Variants in SLC24A4 observed in about 807,000 individuals in gnomAD.
SLC24A4 encodes sodium/potassium/calcium exchanger 4.
SLC24A4 carries 53 observed loss-of-function variants against 79.0 expected under a neutral mutation model. The ratio of observed to expected loss-of-function variants is 0.67; its 90% CI spans 0.54 to 0.84. SLC24A4 has a LOEUF of 0.84. SLC24A4 is among the 40% of genes least tolerant of loss of function. The pLI is 0.00. For missense variants in SLC24A4, 731 were observed against 822.0 expected, an observed-to-expected ratio of 0.89 and a Z score of 1.35; for synonymous variants, 323 against 323.8, an observed-to-expected ratio of 1.00 and a Z score of 0.03.
chr14:92,487,920 C>T (rs1264716236), intron 14 of SLC24A4, among the ~76,000 whole-genome samples: 2 of 152,050 alleles, frequency 1.3e-5, no homozygotes, highest in Non-Finnish European at 2.9e-5. Flanking sequence ...CAATCTCTGC[C>T]TCTGCCTTCA....
At chr14:92,397,864 G>A (rs1408591331) in intron 2 of SLC24A4, among the ~76,000 whole-genome samples, 2 of 152,172 alleles carry the variant, frequency 1.3e-5, no homozygotes, top group East Asian at 3.8e-4. Context: ...AAAAATAGAA[G>A]CAAATGACAT....
intron 13 of SLC24A4, chr14:92,484,412 C>G: frequency 5.1e-6 from 5 of 985,328 alleles, no homozygotes; most frequent in Non-Finnish European, 6.0e-6. Flanking sequence ...CCAGCCTGTT[C>G]CCTTTCTCCC....
rs374297651 is a variant in SLC24A4 at position 92,500,028 on chromosome 14, A to C, written c.*6400A>C. 4 of 151,566 alleles carry C rather than the reference A, an allele frequency of 2.6e-5. No individual in the cohort carries two copies. Among genetic ancestry groups the C allele is most frequent in the East Asian group, 3.9e-4 (2 of 5,164 alleles). The allele number at this position is 151,566 out of a possible 1,614,324, so 9.4% of individuals were successfully genotyped here. ...CTAATTTTTTGTATTTTTGGTACAGACAGGGTTTCACCGTGTTAGCCAGGA... is the reference window on the plus strand; with the variant it reads ...CTAATTTTTTGTATTTTTGGTACAGCCAGGGTTTCACCGTGTTAGCCAGGA... On this transcript the variant is annotated 3_prime_UTR_variant, in exon 17 of 17. Transcript: ENST00000532405.
chr14:92,447,540 C>A, intron 9 of SLC24A4, 116 bp downstream of exon 9: 1 of 1,001,688 alleles, frequency 1.0e-6, no homozygotes, highest in Non-Finnish European at 1.5e-6. Context: ...TTAGGCCAGC[C>A]CCAGCTCTCT....
intron 13 of SLC24A4, among the ~76,000 whole-genome samples, chr14:92,483,328 C>T (rs1895167846): frequency 6.6e-6 from 1 of 152,168 alleles, no homozygotes; most frequent in South Asian, 2.1e-4. Flanking sequence ...CTTTCTTATC[C>T]TCATAACAGC....
rs1892617158 is a variant in SLC24A4 at position 92,443,433 on chromosome 14, G to T, written c.616G>T (p.Asp206Tyr). ...TCTGACGTGGTGGGCCGTGTGCCGA[G>T]ACTCCGTGTACTACACCATCTCTGT... ...VRLTWWAVCR[D>Y]SVYYTISVIV... Residue 206 changes from aspartate (D) to tyrosine (Y), a missense_variant, in exon 7 of 17, where the codon GAC becomes TAC. Coordinates refer to ENST00000532405, the MANE Select transcript of SLC24A4 (RefSeq NM_153646.4). 2 of 1,614,042 alleles carry T rather than the reference G, an allele frequency of 1.2e-6. No individual in the cohort carries two copies. The highest frequency in any genetic ancestry group is 8.5e-7 in the Non-Finnish European group (1 of 1,180,034).
intron 7 of SLC24A4, among the ~76,000 whole-genome samples, chr14:92,444,597 G>A (rs1892684696): frequency 6.6e-6 from 1 of 152,222 alleles, no homozygotes; most frequent in South Asian, 2.1e-4. Context: ...GCTCACGCCT[G>A]TAATCCTAGC....
chr14:92,450,289 GTCA>G (rs1185282434), intron 10 of SLC24A4: 1 of 152,280 alleles, frequency 6.6e-6, no homozygotes, highest in African/African-American at 2.4e-5. Flanking sequence ...CCCCTCTCCA[GTCA>G]TCATCCTGGA....
chr14:92,436,794 C>T (rs10133222), intron 3 of SLC24A4, among the ~76,000 whole-genome samples: 40,925 of 151,988 alleles, frequency 0.27, 5,938 homozygotes, highest in East Asian at 0.54. Flanking sequence ...TTTGGCCTCT[C>T]GGGAGGTGAT....
Position 92,358,955 on chromosome 14 carries a change from G to A in SLC24A4, c.241+32977G>A, listed in dbSNP as rs139699878. The stretch of plus-strand genomic sequence containing the variant: ...CTCACCTCGGCCTCCCAAAGTACTG[G>A]GATTACAGGTGTGAGCCACCACGCC... On this transcript the variant is annotated intron_variant, in intron 2 of 16. Transcript: ENST00000532405. Among the ~76,000 whole-genome samples the A allele has an allele frequency of 7.3e-3, 1,105 of 151,930 alleles. 24 individuals carry two copies. The highest frequency in any genetic ancestry group is 0.025 in the African/African-American group (1,052 of 41,430).
chr14:92,352,147 G>T (rs1388249610), intron 2 of SLC24A4, among the ~76,000 whole-genome samples: 2 of 152,154 alleles, frequency 1.3e-5, no homozygotes, highest in Admixed American at 6.5e-5. Context: ...TAGGGGGTTT[G>T]CCAGGGAAGA....
chr14:92,408,660 A>G (rs1595234141), intron 2 of SLC24A4, among the ~76,000 whole-genome samples: 1 of 152,200 alleles, frequency 6.6e-6, no homozygotes, highest in East Asian at 1.9e-4. Flanking sequence ...AATGAGATCT[A>G]CCCTCTAGGT....
chr14:92,484,225 C>T (rs781376222), intron 13 of SLC24A4: 33 of 985,282 alleles, frequency 3.3e-5, no homozygotes, highest in Non-Finnish European at 4.0e-5. Context: ...GTATGGGAGC[C>T]ATTTTGCCTA....
At chr14:92,474,863 A>ATATATATATTTTTT (rs36185636) in intron 12 of SLC24A4, among the ~76,000 whole-genome samples, 1 of 57,144 alleles carries the variant, frequency 1.7e-5, no homozygotes, top group Admixed American at 2.1e-4. Context: ...ATATATATAT[A>ATATATATATTTTTT]TTTTTTTTTT....
chr14:92,482,858 G>T lies in SLC24A4; in HGVS notation c.1422+12G>T, dbSNP rs1895140674. ...TCATGGTGTGGCTGGTGAGTGGGGG[G>T]AGCAGGGGGTGGACTGTGTGCACAG... On this transcript the variant is annotated intron_variant, in intron 13 of 16. Coordinates refer to ENST00000532405, the MANE Select transcript of SLC24A4 (RefSeq NM_153646.4). The T allele has an allele frequency of 6.2e-7, 1 of 1,604,460 alleles. No individual in the cohort carries two copies. The highest frequency in any genetic ancestry group is 8.5e-7 in the Non-Finnish European group (1 of 1,174,600).
chr14:92,448,605 G>A (rs544297248), intron 9 of SLC24A4, among the ~76,000 whole-genome samples: 1 of 152,300 alleles, frequency 6.6e-6, no homozygotes, highest in South Asian at 2.1e-4. Flanking sequence ...CCCGCCTGAG[G>A]TTCTTTGAGA....
At chr14:92,432,980 T>C (rs915433493) in intron 2 of SLC24A4, among the ~76,000 whole-genome samples, 4 of 152,194 alleles carry the variant, frequency 2.6e-5, no homozygotes, top group Admixed American at 2.6e-4. Context: ...AGACGATACA[T>C]ATTGTTATTT....
intron 2 of SLC24A4, among the ~76,000 whole-genome samples, chr14:92,406,636 C>G (rs1362864119): frequency 1.3e-5 from 2 of 152,208 alleles, no homozygotes; most frequent in Non-Finnish European, 2.9e-5. Flanking sequence ...GGATTACATC[C>G]TCTGAAACAG....
chr14:92,405,659 G>A (rs1247803942), intron 2 of SLC24A4, among the ~76,000 whole-genome samples: 2 of 152,176 alleles, frequency 1.3e-5, no homozygotes, highest in South Asian at 4.1e-4. Context: ...CACCATGGTA[G>A]AGCAGGAGAG....
Sources: allele counts gnomAD v4.1 joint callset (sites outside exome capture counted in the v4.1 genomes callset), GRCh38; gene constraint gnomAD v4.1.1; transcripts MANE v1.5; gene names NCBI Gene and HGNC (gene_info 2026-07-23, HGNC 2026-07-21).